Variants in STRAP observed in about 807,000 individuals in gnomAD.
STRAP encodes serine/threonine kinase receptor associated protein, also known as serine-threonine kinase receptor-associated protein.
In STRAP, 16 loss-of-function variants were observed where a neutral mutation model predicts 47.0. That is an observed-to-expected ratio of 0.34 (90% CI 0.23 to 0.52). The LOEUF (loss-of-function observed/expected upper bound fraction) is 0.52. Ranked by LOEUF, STRAP falls within the 20% of genes least tolerant of loss-of-function variation. The pLI is 0.96. For missense variants in STRAP, 293 were observed against 420.0 expected (o/e 0.70, Z 2.64); for synonymous variants, 130 against 142.7 (o/e 0.91, Z 0.63).
intron 4 of STRAP, among the ~76,000 whole-genome samples, chr12:15,893,705 A>G (rs1008562903): frequency 1.3e-5 from 2 of 148,546 alleles, no homozygotes. Flanking sequence ...TTTATTATAC[A>G]TATAATAAAT....
intron 2 of STRAP, among the ~76,000 whole-genome samples, chr12:15,885,804 C>T (rs969069174): frequency 9.9e-5 from 15 of 152,102 alleles, no homozygotes; most frequent in African/African-American, 3.6e-4. Flanking sequence ...GTCATGGTAC[C>T]TAATTCATAG....
At chr12:15,886,894 C>T (rs1947977030) in intron 2 of STRAP, among the ~76,000 whole-genome samples, 1 of 152,058 alleles carries the variant, frequency 6.6e-6, no homozygotes. Flanking sequence ...GTAATTCGGG[C>T]AATTGAGTCC....
chr12:15,886,913 G>GT (rs913648452), intron 2 of STRAP, among the ~76,000 whole-genome samples: 1 of 152,132 alleles, frequency 6.6e-6, no homozygotes, highest in Non-Finnish European at 1.5e-5. Flanking sequence ...CCAGTGTTGA[G>GT]TACAGTGTCC....
intron 8 of STRAP, among the ~76,000 whole-genome samples, 182 bp downstream of exon 8, chr12:15,900,235 A>G (rs577369448): frequency 1.3e-5 from 2 of 152,232 alleles, no homozygotes; most frequent in South Asian, 4.1e-4. Flanking sequence ...CCTTTGTTTA[A>G]ATTTTTTTTG....
rs569418970 is a variant in STRAP at position 15,894,779 on chromosome 12, G to A, written c.501-580G>A. Among the ~76,000 whole-genome samples, 4 of 152,254 alleles carry A rather than the reference G, an allele frequency of 2.6e-5. No homozygotes were observed. Among genetic ancestry groups the A allele is most frequent in the Admixed American group, 6.5e-5 (1 of 15,300 alleles). On this transcript the variant is annotated intron_variant, in intron 5 of 9. Transcript: ENST00000419869. This position sits in a 1 kb window ranked among gnomAD's most constrained non-coding sequence, Gnocchi z 4.9. Reference sequence around the variant, plus strand: ...GTCTAATGCAAATATTCCAAAATCCGAAAAAGTTTGAAATCCAACTTTTTT... The same window carrying A: ...GTCTAATGCAAATATTCCAAAATCCAAAAAAGTTTGAAATCCAACTTTTTT...
At chr12:15,886,075 C>T (rs1947970168) in intron 2 of STRAP, among the ~76,000 whole-genome samples, 1 of 151,980 alleles carries the variant, frequency 6.6e-6, no homozygotes, top group African/African-American at 2.4e-5. Flanking sequence ...TTTTTTTCCC[C>T]CTCCTCAGTT....
At chr12:15,886,649 A>T (rs1165342321) in intron 2 of STRAP, among the ~76,000 whole-genome samples, 1 of 151,964 alleles carries the variant, frequency 6.6e-6, no homozygotes, top group East Asian at 1.9e-4. Flanking sequence ...GCGTGTTTTC[A>T]TGTGCGTGTT....
In STRAP at chr12:15,892,835, G is replaced by A. The variant is rs886327189; in HGVS notation, c.404-1212G>A. ...AACAAAGCAAGGTAGTTCAGGGATT[G>A]GGTCAAAGCAAGGTAGTTCAGGGAT... On this transcript the variant is annotated intron_variant, in intron 4 of 9. Transcript: ENST00000419869. Among the ~76,000 whole-genome samples, 3 of 152,078 alleles carry A rather than the reference G, an allele frequency of 2.0e-5. No homozygotes were observed. The South Asian group carries it at 6.2e-4, about 31-fold the overall frequency.
At position 15,882,564 on chromosome 12, in the gene STRAP, C is replaced by G; in HGVS notation, c.-144C>G. On this transcript the variant is annotated 5_prime_UTR_variant, in exon 1 of 10. Coordinates refer to ENST00000419869, the MANE Select transcript of STRAP (RefSeq NM_007178.4). ...CACCCCTCCCTAACCTCGGTGCCACCGGATTGCCCTTCTTTTCCTGTTGCC... is the reference window on the plus strand; with the variant it reads ...CACCCCTCCCTAACCTCGGTGCCACGGGATTGCCCTTCTTTTCCTGTTGCC... 1 of 667,780 alleles carries G rather than the reference C, an allele frequency of 1.5e-6. No individual in the cohort carries two copies. Among genetic ancestry groups the G allele is most frequent in the Non-Finnish European group, 2.6e-6 (1 of 389,040 alleles). 41.4% of individuals were successfully genotyped at this position (667,780 alleles called of 1,614,324 possible).
In STRAP at chr12:15,902,951, T is replaced by G. The variant is rs371184789; in HGVS notation, c.1026T>G (p.Phe342Leu). ...EIASENSDCI[F>L]PSAPDVKA ...CTTCAGAGAATTCAGATTGCATCTT[T>G]CCTTCAGCTCCTGATGTTAAGGCCT... Residue 342 changes from phenylalanine (F) to leucine (L), a missense_variant, in exon 10 of 10, where the codon TTT (phenylalanine) becomes TTG (leucine). By Grantham distance (22) the Phe-to-Leu change is conservative. This residue lies in a region of STRAP where 52 missense variants were observed against 45.0 expected (regional missense o/e 1.16). Transcript: ENST00000419869. 5.9e-6 allele frequency: 9 copies of G among 1,533,978 alleles called. No homozygotes were observed. In the African/African-American group the frequency reaches 1.1e-4, roughly 19 times the overall value.
intron 6 of STRAP, 21 bp downstream of exon 6, chr12:15,895,517 C>A: frequency 6.4e-7 from 1 of 1,572,828 alleles, no homozygotes; most frequent in East Asian, 2.3e-5. Flanking sequence ...GAAATACTTT[C>A]ATTTTCTTTT....
chr12:15,899,949 G>C lies in STRAP; in HGVS notation c.821G>C (p.Ser274Thr). 1 of 1,613,436 alleles carries C rather than the reference G, an allele frequency of 6.2e-7. No homozygotes were observed. The highest frequency in any genetic ancestry group is 8.5e-7 in the Non-Finnish European group (1 of 1,179,776). Residue 274 changes from serine to threonine, a missense_variant, in exon 8 of 10, where the codon AGT (serine) becomes ACT (threonine). Ser to Thr is a moderately conservative substitution (Grantham distance 58). This residue lies in a region of STRAP where 26 missense variants were observed against 76.7 expected (regional missense o/e 0.34). Transcript: ENST00000419869. ...HFGPIHCVRFSPDGELYASGS... is the reference protein window; with the variant it reads ...HFGPIHCVRFTPDGELYASGS... Reference sequence around the variant, plus strand: ...GGTCCTATTCACTGTGTGAGATTTAGTCCTGATGGAGAACTCTATGCCAGT... The same window carrying C: ...GGTCCTATTCACTGTGTGAGATTTACTCCTGATGGAGAACTCTATGCCAGT...
Position 15,882,691 on chromosome 12 carries a change from C to CGGGGGG in STRAP, c.-17_-16insGGGGGG. On this transcript the variant is annotated 5_prime_UTR_variant, in exon 1 of 10. Coordinates refer to ENST00000419869, the MANE Select transcript of STRAP (RefSeq NM_007178.4). ...GACCCTCAGCTCGCCAGTCCGGTCG[C>CGGGGGG]TGGCTTCGCCGCCGCCATGGCAATG... 1 of 1,600,238 alleles carries CGGGGGG rather than the reference C, an allele frequency of 6.2e-7. No homozygotes were observed. The highest frequency in any genetic ancestry group is 8.5e-7 in the Non-Finnish European group (1 of 1,174,854).
At chr12:15,883,797 T>C (rs1207739503) in intron 2 of STRAP, 121 bp downstream of exon 2, 3 of 1,309,700 alleles carry the variant, frequency 2.3e-6, no homozygotes, top group Non-Finnish European at 2.1e-6. Flanking sequence ...ACAGAACGCA[T>C]GTTTGATCCC....
intron 6 of STRAP, among the ~76,000 whole-genome samples, chr12:15,897,513 A>G (rs1271675322): frequency 1.3e-5 from 2 of 152,136 alleles, no homozygotes; most frequent in South Asian, 2.1e-4. Context: ...GTTTACAAAG[A>G]TAATATGTGG....
Position 15,888,576 on chromosome 12 carries a change from T to C in STRAP, c.249-1352T>C, listed in dbSNP as rs75571299. The stretch of plus-strand genomic sequence containing the variant: ...CATTCCTGTTAGATGGTCTTTCATA[T>C]TCATTAACCACATTGCACATGCTAT... On this transcript the variant is annotated intron_variant, in intron 2 of 9. Transcript: ENST00000419869. Among the ~76,000 whole-genome samples, 355 of 152,324 alleles carry C rather than the reference T, an allele frequency of 2.3e-3. 12 individuals carry two copies. In the East Asian group the frequency reaches 0.059, roughly 25 times the overall value.
chr12:15,885,211 C>T (rs916503161), intron 2 of STRAP, among the ~76,000 whole-genome samples: 2 of 102,382 alleles, frequency 2.0e-5, no homozygotes, highest in Non-Finnish European at 3.5e-5. Flanking sequence ...TTTTTAAAGA[C>T]AGAGTCTTGC....
chr12:15,902,130 C>T (rs544706238), intron 9 of STRAP, among the ~76,000 whole-genome samples: 2 of 152,110 alleles, frequency 1.3e-5, no homozygotes, highest in East Asian at 2.0e-4. Context: ...TGCACCACCA[C>T]GCCTGGCTAA....
At chr12:15,901,114 A>T in intron 9 of STRAP, 102 bp downstream of exon 9, 4 of 782,656 alleles carry the variant, frequency 5.1e-6, no homozygotes, top group Non-Finnish European at 7.5e-6. Context: ...TTAAATATGA[A>T]CATATTTAAA....
Sources: allele counts gnomAD v4.1 joint callset (sites outside exome capture counted in the v4.1 genomes callset), GRCh38; gene constraint gnomAD v4.1.1; regional missense constraint gnomAD v4.1.1; non-coding constraint Gnocchi (gnomAD v3.1); transcripts MANE v1.5; gene names NCBI Gene and HGNC (gene_info 2026-07-23, HGNC 2026-07-21).